The following ANK3 variants were observed in gnomAD, a reference collection of about 807,000 sequenced individuals.
The protein encoded by ANK3 is ankyrin-3.
ANK3 carries 57 observed loss-of-function variants against 370.9 expected under a neutral mutation model. That is an observed-to-expected ratio of 0.15 (90% CI 0.12 to 0.19). ANK3 has a LOEUF of 0.19. Ranked by LOEUF, ANK3 falls within the 10% of genes least tolerant of loss-of-function variation. The pLI is 1.00. For missense variants in ANK3, 4,439 were observed against 5,302.1 expected, an observed-to-expected ratio of 0.84 and a Z score of 5.06; for synonymous variants, 1,929 against 1,946.3, an observed-to-expected ratio of 0.99 and a Z score of 0.23.
chr10:60,702,247 T>C (rs1045534691), intron 1 of ANK3, among the ~76,000 whole-genome samples: 1 of 140,614 alleles, frequency 7.1e-6, no homozygotes, highest in South Asian at 2.2e-4. Flanking sequence ...GCCTGGGAAA[T>C]AGGACAAGAC....
At chr10:60,679,591 T>G (rs554800120) in intron 1 of ANK3, among the ~76,000 whole-genome samples, 3 of 152,070 alleles carry the variant, frequency 2.0e-5, no homozygotes, top group Non-Finnish European at 4.4e-5. Flanking sequence ...CGCAGTTTGG[T>G]AAACACACTG....
intron 1 of ANK3, among the ~76,000 whole-genome samples, chr10:60,720,427 T>A (rs2079847804): frequency 1.3e-5 from 2 of 152,202 alleles, no homozygotes; most frequent in Non-Finnish European, 2.9e-5. Flanking sequence ...CAGAAAATTG[T>A]TGCAGGATCA....
chr10:60,222,345 T>C (rs919137796), intron 8 of ANK3, among the ~76,000 whole-genome samples: 1 of 151,004 alleles, frequency 6.6e-6, no homozygotes, highest in Middle Eastern at 3.2e-3. Flanking sequence ...CTTGCAGTCA[T>C]GAAGATGGGC....
At chr10:60,604,752 C>T (rs2078107879) in intron 2 of ANK3, among the ~76,000 whole-genome samples, 1 of 152,164 alleles carries the variant, frequency 6.6e-6, no homozygotes, top group Non-Finnish European at 1.5e-5. Flanking sequence ...CCATCTATAA[C>T]ATTTTCAATG....
rs2095385353 is a variant in ANK3, at chr10:60,157,886, A to AGAG, written c.2614+8704_2614+8705insCTC. Among the ~76,000 whole-genome samples the AGAG allele has an allele frequency of 3.8e-5, 5 of 132,860 alleles. 1 individual carries two copies. The highest frequency in any genetic ancestry group is 5.4e-4 in the South Asian group (2 of 3,706). The allele number at this position is 132,860 out of a possible 152,430, so 87.2% of individuals were successfully genotyped here. A position where few individuals can be genotyped will look rare whatever the true frequency, so the allele number is the denominator to read the frequency against. On this transcript the variant is annotated intron_variant, in intron 23 of 43. Transcript: ENST00000280772. ...GGAGAGACAGAGAGAGAGAGAGAAA[A>AGAG]AGAGAGAGAGAGAGAGAGAGAGAGA...
chr10:60,233,005 T>C (rs1283615384), intron 8 of ANK3, among the ~76,000 whole-genome samples: 1 of 152,222 alleles, frequency 6.6e-6, no homozygotes, highest in Non-Finnish European at 1.5e-5. Flanking sequence ...ACAAGAAAAC[T>C]ACTTAAAACC....
At chr10:60,523,869 G>T (rs1003099246) in intron 2 of ANK3, among the ~76,000 whole-genome samples, 1 of 152,172 alleles carries the variant, frequency 6.6e-6, no homozygotes, top group Non-Finnish European at 1.5e-5. Flanking sequence ...AAAAGTTGTT[G>T]TAAGATTAAA....
intron 2 of ANK3, among the ~76,000 whole-genome samples, chr10:60,467,984 C>T (rs2065046945): frequency 7.4e-6 from 1 of 135,276 alleles, no homozygotes; most frequent in African/African-American, 2.7e-5. Context: ...CATATAAAAA[C>T]TTTTTTTTTT....
chr10:60,617,559 T>G (rs939592641), intron 1 of ANK3, among the ~76,000 whole-genome samples: 1 of 152,158 alleles, frequency 6.6e-6, no homozygotes, highest in African/African-American at 2.4e-5. Context: ...AACCAGATAA[T>G]GTACAGAAAT....
At chr10:60,606,428 T>C (rs547488982) in intron 2 of ANK3, among the ~76,000 whole-genome samples, 2 of 152,262 alleles carry the variant, frequency 1.3e-5, no homozygotes, top group Non-Finnish European at 2.9e-5. Flanking sequence ...CCTCATTTGG[T>C]GATTAAAATA....
chr10:60,356,485 C>G (rs181586848), intron 1 of ANK3, among the ~76,000 whole-genome samples: 1 of 152,160 alleles, frequency 6.6e-6, no homozygotes, highest in Non-Finnish European at 1.5e-5. Context: ...TTGGGGACTC[C>G]TAGCTCATGA....
At chr10:60,697,721 A>T (rs1589044388) in intron 1 of ANK3, among the ~76,000 whole-genome samples, 1 of 152,080 alleles carries the variant, frequency 6.6e-6, no homozygotes, top group Non-Finnish European at 1.5e-5. Context: ...CTGAAACTGG[A>T]TCCCTTCCTT....
intron 2 of ANK3, among the ~76,000 whole-genome samples, chr10:60,505,706 C>T (rs1206020874): frequency 6.6e-6 from 1 of 152,130 alleles, no homozygotes; most frequent in East Asian, 1.9e-4. Flanking sequence ...CCTCCCACTC[C>T]AACTCTTTCA....
chr10:60,187,073 T>C (rs1038303971), intron 16 of ANK3, among the ~76,000 whole-genome samples, 161 bp from the exon 17 acceptor site: 2 of 152,230 alleles, frequency 1.3e-5, no homozygotes, highest in East Asian at 3.8e-4. Flanking sequence ...TACATGAATA[T>C]AGTGCCCTCA....
intron 1 of ANK3, among the ~76,000 whole-genome samples, chr10:60,733,006 G>A (rs1441811231): frequency 6.6e-6 from 1 of 151,304 alleles, no homozygotes; most frequent in African/African-American, 2.4e-5. Context: ...CCTCTCTCCT[G>A]GGGATGCTCC....
chr10:60,165,427 A>T (rs2095600828), intron 23 of ANK3, among the ~76,000 whole-genome samples: 1 of 152,234 alleles, frequency 6.6e-6, no homozygotes, highest in African/African-American at 2.4e-5. Flanking sequence ...AAGAAAACTG[A>T]GTAAAAGCCT....
At chr10:60,206,693 T>C (rs2096768659) in intron 10 of ANK3, among the ~76,000 whole-genome samples, 2 of 152,250 alleles carry the variant, frequency 1.3e-5, no homozygotes, top group South Asian at 4.1e-4. Flanking sequence ...CATGCAGAAA[T>C]GTAAATAACC....
rs549747407 is a variant in ANK3 at position 60,118,814 on chromosome 10, A to G, written c.2842-4483T>C. 1.2e-4 allele frequency among the ~76,000 whole-genome samples: 18 copies of G among 152,314 alleles called. No individual in the cohort carries two copies. The South Asian group carries it at 3.1e-3, about 26-fold the overall frequency. On this transcript the variant is annotated intron_variant, in intron 25 of 43. Coordinates refer to ENST00000280772, the MANE Select transcript of ANK3 (RefSeq NM_020987.5). ...TTACAGTAAATTATTTACCTTTGGT[A>G]CTCTTAGAAACATGCACTGGTGCCA...
At chr10:60,048,687 T>C (rs1441560274) in intron 42 of ANK3, among the ~76,000 whole-genome samples, 1 of 152,238 alleles carries the variant, frequency 6.6e-6, no homozygotes, top group Admixed American at 6.5e-5. Context: ...TTTATTGTTT[T>C]ATTTTCTCAA....
Sources: gnomAD v4.1 joint callset for allele counts (sites outside exome capture counted in the v4.1 genomes callset) on GRCh38, gnomAD v4.1.1 for gene constraint, MANE v1.5 for transcripts, NCBI Gene and HGNC (gene_info 2026-07-23, HGNC 2026-07-21) for gene names.